Variants in GPC5 observed in about 807,000 individuals in gnomAD.
The protein encoded by GPC5 is glypican 5.
A neutral mutation model predicts 53.9 loss-of-function variants in GPC5; 47 were observed. The observed-to-expected ratio is 0.87, with a 90% CI of 0.69 to 1.11. The LOEUF (loss-of-function observed/expected upper bound fraction) is 1.11, where lower values mean the gene tolerates loss of function less well. GPC5 is among the 50% of genes most tolerant of loss of function. The probability of loss-of-function intolerance (pLI) is 0.00; values close to 1 mark genes in which losing one functional copy is unlikely to be tolerated. For synonymous variants in GPC5, 286 were observed against 263.3 expected (o/e 1.09, Z -0.84); for missense variants, 748 against 713.1 (o/e 1.05, Z -0.56).
chr13:92,778,625 G>A (rs938013661), intron 7 of GPC5, among the ~76,000 whole-genome samples: 3 of 152,050 alleles, frequency 2.0e-5, no homozygotes, highest in Non-Finnish European at 2.9e-5. Context: ...GGGAGATCTC[G>A]GAATGGAATC....
intron 7 of GPC5, among the ~76,000 whole-genome samples, chr13:92,417,427 G>A (rs561942521): frequency 2.4e-4 from 37 of 152,144 alleles, no homozygotes; most frequent in Non-Finnish European, 5.1e-4. Context: ...AGCTTTTCTG[G>A]AAAACAGTCT....
At chr13:91,533,706 C>G (rs981141348) in intron 2 of GPC5, among the ~76,000 whole-genome samples, 1 of 152,164 alleles carries the variant, frequency 6.6e-6, no homozygotes, top group African/African-American at 2.4e-5. Flanking sequence ...TTAAACAGGT[C>G]TGTGAATGCA....
chr13:92,084,476 C>A (rs1300576048), intron 6 of GPC5, among the ~76,000 whole-genome samples: 3 of 152,188 alleles, frequency 2.0e-5, no homozygotes, highest in Admixed American at 6.5e-5. Context: ...GGCTCTGGCC[C>A]TACCTGGCCA....
At chr13:91,439,726 A>T (rs1880276380) in intron 1 of GPC5, among the ~76,000 whole-genome samples, 1 of 152,136 alleles carries the variant, frequency 6.6e-6, no homozygotes, top group South Asian at 2.1e-4. Flanking sequence ...GCCAAGTCTT[A>T]CTCAAGGCAT....
chr13:91,571,595 C>G lies in GPC5; in HGVS notation c.326-121592C>G, dbSNP rs566970197. On this transcript the variant is annotated intron_variant, in intron 2 of 7. Transcript: ENST00000377067. ...AAAAAAGTAGCTGGGTGTGGTGGCA[C>G]ACACCTGTAGTCCTAGCTACTCAGG... 2.6e-5 allele frequency among the ~76,000 whole-genome samples: 4 copies of G among 151,770 alleles called. No individual in the cohort carries two copies. The East Asian group carries it at 7.8e-4, about 30-fold the overall frequency.
intron 7 of GPC5, among the ~76,000 whole-genome samples, chr13:92,286,700 A>G (rs933114605): frequency 2.1e-4 from 29 of 137,798 alleles, no homozygotes; most frequent in Non-Finnish European, 3.3e-4. Flanking sequence ...ACACTTGGAC[A>G]CAGGAAGGGG....
intron 2 of GPC5, among the ~76,000 whole-genome samples, chr13:91,514,824 C>T (rs953703499): frequency 5.9e-5 from 9 of 152,122 alleles, no homozygotes; most frequent in South Asian, 4.1e-4. Context: ...ATCTAATGCT[C>T]ACAGTTTTTA....
intron 7 of GPC5, among the ~76,000 whole-genome samples, chr13:92,806,109 A>C (rs527684553): frequency 6.6e-6 from 1 of 152,188 alleles, no homozygotes; most frequent in Non-Finnish European, 1.5e-5. Context: ...AACAACATTC[A>C]TCAAAAATAG....
At chr13:92,398,851 C>T (rs371783705) in intron 7 of GPC5, among the ~76,000 whole-genome samples, 3 of 152,216 alleles carry the variant, frequency 2.0e-5, no homozygotes, top group South Asian at 4.1e-4. Context: ...TGACTACATA[C>T]CCAGAAAATC....
At chr13:92,512,171 C>A (rs184175115) in intron 7 of GPC5, among the ~76,000 whole-genome samples, 1 of 152,082 alleles carries the variant, frequency 6.6e-6, no homozygotes, top group Non-Finnish European at 1.5e-5. Context: ...ATTTTCTCCC[C>A]GATTCTGCCC....
rs990807052 is a variant in GPC5 at position 91,988,315 on chromosome 13, A to T, written c.1401+80258A>T. 3.9e-5 allele frequency among the ~76,000 whole-genome samples: 6 copies of T among 152,204 alleles called. No homozygotes were observed. The East Asian group carries it at 1.2e-3, about 29-fold the overall frequency. ...GAGAAAGCCAGAAAGTCAAGGAGAC[A>T]CAGAGAGAGAATTCAGAATTGTTCT... On this transcript the variant is annotated intron_variant, in intron 6 of 7. Coordinates refer to ENST00000377067, the MANE Select transcript of GPC5 (RefSeq NM_004466.6).
At chr13:91,804,157 C>G (rs1387585254) in intron 5 of GPC5, among the ~76,000 whole-genome samples, 3 of 152,134 alleles carry the variant, frequency 2.0e-5, no homozygotes, top group Non-Finnish European at 4.4e-5. Flanking sequence ...GTACCATGAA[C>G]AAAATATATT....
chr13:92,284,117 G>A (rs1167129284), intron 7 of GPC5, among the ~76,000 whole-genome samples: 1 of 152,184 alleles, frequency 6.6e-6, no homozygotes, highest in African/African-American at 2.4e-5. Flanking sequence ...ACACCTCTAT[G>A]CAAATAAACT....
chr13:92,575,901 C>T (rs536616393), intron 7 of GPC5, among the ~76,000 whole-genome samples: 22 of 152,202 alleles, frequency 1.4e-4, no homozygotes, highest in Middle Eastern at 6.8e-3. Context: ...ATTTTTGGTT[C>T]CCTGGCACAT....
At chr13:91,659,527 G>C (rs775502581) in intron 2 of GPC5, among the ~76,000 whole-genome samples, 1 of 152,068 alleles carries the variant, frequency 6.6e-6, no homozygotes, top group Non-Finnish European at 1.5e-5. Context: ...GAATATTCAA[G>C]GATATTTATT....
chr13:91,931,934 C>T (rs1411443163), intron 6 of GPC5, among the ~76,000 whole-genome samples: 9 of 151,970 alleles, frequency 5.9e-5, no homozygotes, highest in Non-Finnish European at 1.3e-4. Context: ...TTCTAAGATG[C>T]TCCCTGACTC....
At position 92,589,477 on chromosome 13, in the gene GPC5, C is replaced by T. The variant is rs9556193; in HGVS notation, c.1562-276805C>T. On this transcript the variant is annotated intron_variant, in intron 7 of 7. Coordinates refer to ENST00000377067, the MANE Select transcript of GPC5 (RefSeq NM_004466.6). Reference sequence around the variant, plus strand: ...AAATTGGATCCTGCCCCATTATGCCCAACATTTCTGATCAAATCATGATTT... The same window carrying T: ...AAATTGGATCCTGCCCCATTATGCCTAACATTTCTGATCAAATCATGATTT... 9.5e-4 allele frequency among the ~76,000 whole-genome samples: 144 copies of T among 152,230 alleles called. 3 individuals carry two copies. The East Asian group carries it at 0.022, about 23-fold the overall frequency.
At chr13:92,238,167 CTT>C (rs2042583922) in intron 7 of GPC5, among the ~76,000 whole-genome samples, 2 of 151,830 alleles carry the variant, frequency 1.3e-5, no homozygotes, top group African/African-American at 2.4e-5. Context: ...TTTTACTTCT[CTT>C]GATAATATAG....
At chr13:92,643,947 T>G (rs1885679265) in intron 7 of GPC5, among the ~76,000 whole-genome samples, 1 of 152,216 alleles carries the variant, frequency 6.6e-6, no homozygotes, top group South Asian at 2.1e-4. Context: ...GAAAATGCTG[T>G]GTTTGTTACA....
Sources: gnomAD v4.1 joint callset for allele counts (sites outside exome capture counted in the v4.1 genomes callset) on GRCh38, gnomAD v4.1.1 for gene constraint, MANE v1.5 for transcripts, NCBI Gene and HGNC (gene_info 2026-07-23, HGNC 2026-07-21) for gene names.